VWA8: variants seen among roughly 807,000 people sequenced by gnomAD.
VWA8 encodes the protein von Willebrand factor A domain containing 8, also known as von Willebrand factor A domain-containing protein 8.
Under a neutral mutation model 241.5 loss-of-function variants are expected in VWA8, and 221 were observed. That is an observed-to-expected ratio of 0.91 (90% CI 0.82 to 1.02). The LOEUF (loss-of-function observed/expected upper bound fraction) is 1.02. VWA8 is among the 50% of genes least tolerant of loss of function. The pLI, the probability that VWA8 is intolerant of heterozygous loss-of-function variation, is 0.00. For missense variants in VWA8, 2,322 were observed against 2,328.7 expected, an observed-to-expected ratio of 1.00 and a Z score of 0.06; for synonymous variants, 852 against 827.1, an observed-to-expected ratio of 1.03 and a Z score of -0.52.
Position 41,703,341 on chromosome 13 carries a change from G to A in VWA8, c.3187C>T (p.Leu1063Phe), listed in dbSNP as rs961006033. ...IGQARSGMQK[L>F]LCPVETHHID... is the part of the protein sequence containing the mutation. ...TGATGAGTTTCCACTGGACACAAGA[G>A]TTTTTGCATCCCACTTCTTGCCTGA... The change falls in exon 27 of 45, where the codon CTC becomes TTC. Residue 1063 changes from leucine (L) to phenylalanine (F), a missense_variant. Coordinates refer to ENST00000379310, the MANE Select transcript of VWA8 (RefSeq NM_015058.2). 2 of 1,613,920 alleles carry A rather than the reference G, an allele frequency of 1.2e-6. No individual in the cohort carries two copies. The highest frequency in any genetic ancestry group is 1.3e-5 in the African/African-American group (1 of 74,916).
At chr13:41,651,639 T>A (rs1320471818) in intron 37 of VWA8, among the ~76,000 whole-genome samples, 1 of 152,226 alleles carries the variant, frequency 6.6e-6, no homozygotes, top group Non-Finnish European at 1.5e-5. Flanking sequence ...CACCAAAATT[T>A]GAATTTCATA....
At chr13:41,784,703 T>TATACATATAC (rs1566456213) in intron 18 of VWA8, among the ~76,000 whole-genome samples, 22 of 47,744 alleles carry the variant, frequency 4.6e-4, no homozygotes, top group African/African-American at 1.1e-3. Flanking sequence ...TATACATATA[T>TATACATATAC]ATATATATAT....
intron 44 of VWA8, among the ~76,000 whole-genome samples, chr13:41,569,890 ATTATC>A (rs1441532023): frequency 9.9e-5 from 15 of 152,146 alleles, no homozygotes; most frequent in South Asian, 4.1e-4. Flanking sequence ...CTATATGTAT[ATTATC>A]TTATGTTGTC....
intron 17 of VWA8, among the ~76,000 whole-genome samples, chr13:41,789,829 G>C (rs1869373845): frequency 6.6e-6 from 1 of 152,114 alleles, no homozygotes; most frequent in Non-Finnish European, 1.5e-5. Context: ...ATTTGTACTT[G>C]TGATTTTAAA....
chr13:41,772,843 T>G (rs1429814334), intron 20 of VWA8, among the ~76,000 whole-genome samples: 1 of 152,214 alleles, frequency 6.6e-6, no homozygotes, highest in African/African-American at 2.4e-5. Context: ...AGATAGTATC[T>G]GCAAGAAAAA....
intron 21 of VWA8, among the ~76,000 whole-genome samples, chr13:41,759,625 T>G (rs1173802350): frequency 2.0e-5 from 3 of 151,786 alleles, no homozygotes; most frequent in African/African-American, 7.2e-5. Context: ...ATTATGTTCA[T>G]TTTTCTCCCT....
At chr13:41,855,037 G>A (rs1041052393) in intron 12 of VWA8, among the ~76,000 whole-genome samples, 2 of 152,078 alleles carry the variant, frequency 1.3e-5, no homozygotes, top group South Asian at 4.1e-4. Flanking sequence ...AGCACTGTGT[G>A]CTAAACAGCA....
chr13:41,836,727 C>G (rs1018573797), intron 12 of VWA8, among the ~76,000 whole-genome samples: 1 of 152,082 alleles, frequency 6.6e-6, no homozygotes, highest in African/African-American at 2.4e-5. Flanking sequence ...ACAACTAGTA[C>G]ATAGGGCTCT....
At chr13:41,681,357 T>A (rs910135131) in intron 35 of VWA8, among the ~76,000 whole-genome samples, 1 of 152,222 alleles carries the variant, frequency 6.6e-6, no homozygotes, top group Non-Finnish European at 1.5e-5. Context: ...GCATAAAGCC[T>A]ACCTTCCCAT....
chr13:41,830,395 G>A (rs1871394709), intron 14 of VWA8, 134 bp downstream of exon 14: 1 of 650,008 alleles, frequency 1.5e-6, no homozygotes, highest in South Asian at 2.2e-5. Flanking sequence ...CCAAAGTAGT[G>A]GCATATCCAG....
chr13:41,902,244 G>A lies in VWA8; in HGVS notation c.483+5342C>T, dbSNP rs1214950692. 1.2e-4 allele frequency among the ~76,000 whole-genome samples: 19 copies of A among 152,016 alleles called. 1 individual carries two copies. The highest frequency in any genetic ancestry group is 2.8e-4 in the Non-Finnish European group (19 of 67,990). ...ATCATATCTTTGAGTAACATCTAAT[G>A]TCAAAAGGAGATGCTCCTGATAAAA... On this transcript the variant is annotated intron_variant, in intron 4 of 44. Transcript: ENST00000379310.
intron 4 of VWA8, among the ~76,000 whole-genome samples, chr13:41,903,333 T>C: frequency 6.6e-6 from 1 of 152,118 alleles, no homozygotes; most frequent in East Asian, 1.9e-4. Flanking sequence ...AAATCTACCA[T>C]CAATATATGT....
chr13:41,850,699 T>C (rs1437244886), intron 12 of VWA8, among the ~76,000 whole-genome samples: 1 of 152,098 alleles, frequency 6.6e-6, no homozygotes, highest in Non-Finnish European at 1.5e-5. Flanking sequence ...CTGGGTTGGC[T>C]GGTAAAAAGC....
chr13:41,718,768 T>C (rs1446124539), intron 26 of VWA8, among the ~76,000 whole-genome samples: 1 of 151,668 alleles, frequency 6.6e-6, no homozygotes, highest in Non-Finnish European at 1.5e-5. Flanking sequence ...CAGTGATTTA[T>C]ATTTATATTT....
chr13:41,696,458 T>C (rs1379735081), intron 29 of VWA8, among the ~76,000 whole-genome samples: 2 of 152,222 alleles, frequency 1.3e-5, no homozygotes, highest in Non-Finnish European at 2.9e-5. Flanking sequence ...TTTCCTATTA[T>C]GAGTACTTTT....
chr13:41,630,649 T>G (rs566024049), intron 37 of VWA8, among the ~76,000 whole-genome samples: 1 of 152,064 alleles, frequency 6.6e-6, no homozygotes, highest in Non-Finnish European at 1.5e-5. Context: ...AATGACCTTC[T>G]TCCGTAAGTG....
chr13:41,712,107 G>A (rs1319847439), intron 26 of VWA8, among the ~76,000 whole-genome samples: 1 of 152,080 alleles, frequency 6.6e-6, no homozygotes, highest in East Asian at 1.9e-4. Context: ...GTGGGTGGGA[G>A]GGGCTTATGA....
At chr13:41,874,209 C>G (rs1184155619) in intron 9 of VWA8, among the ~76,000 whole-genome samples, 1 of 150,622 alleles carries the variant, frequency 6.6e-6, no homozygotes, top group Non-Finnish European at 1.5e-5. Flanking sequence ...CTATCTATGA[C>G]AAACCCACAG....
intron 12 of VWA8, chr13:41,865,358 A>G: frequency 5.4e-6 from 2 of 372,848 alleles, no homozygotes; most frequent in Non-Finnish European, 1.0e-5. Flanking sequence ...TAAAATATAC[A>G]ATAGATTATT....
Sources: allele counts gnomAD v4.1 joint callset (sites outside exome capture counted in the v4.1 genomes callset), GRCh38; gene constraint gnomAD v4.1.1; transcripts MANE v1.5; gene names NCBI Gene and HGNC (gene_info 2026-07-23, HGNC 2026-07-21).